Variants in CFAP299 observed in about 807,000 individuals in gnomAD.
CFAP299 encodes the protein cilia and flagella associated protein 299, also known as cilia- and flagella-associated protein 299.
In CFAP299, 21 loss-of-function variants were observed where a neutral mutation model predicts 27.0. That is an observed-to-expected ratio of 0.78 (90% CI 0.55 to 1.12). CFAP299 has a LOEUF of 1.12. CFAP299 is among the 50% of genes most tolerant of loss of function. The probability of loss-of-function intolerance (pLI) is 0.00; values close to 1 mark genes in which losing one functional copy is unlikely to be tolerated. For synonymous variants in CFAP299, 104 were observed against 98.1 expected (o/e 1.06, Z -0.36); for missense variants, 310 against 276.6 (o/e 1.12, Z -0.86).
intron 3 of CFAP299, among the ~76,000 whole-genome samples, chr4:80,770,079 T>C (rs966483426): frequency 6.6e-6 from 1 of 151,980 alleles, no homozygotes; most frequent in Non-Finnish European, 1.5e-5. Context: ...ATTTTGGGGG[T>C]CTAACAAACT....
chr4:80,363,322 T>C (rs1723645439), intron 2 of CFAP299, among the ~76,000 whole-genome samples: 1 of 152,210 alleles, frequency 6.6e-6, no homozygotes, highest in African/African-American at 2.4e-5. Context: ...GCCTAATTTA[T>C]ATATGTTAGT....
intron 2 of CFAP299, among the ~76,000 whole-genome samples, chr4:80,521,792 CTT>C (rs796445235): frequency 9.7e-5 from 14 of 145,058 alleles, no homozygotes; most frequent in African/African-American, 3.3e-4. Flanking sequence ...ACAGGATTCC[CTT>C]TTTTTTTTTG....
intron 2 of CFAP299, among the ~76,000 whole-genome samples, chr4:80,400,158 A>G (rs1234324641): frequency 6.6e-6 from 1 of 152,212 alleles, no homozygotes; most frequent in Non-Finnish European, 1.5e-5. Context: ...GTTTCATTGA[A>G]GTGAATAATT....
chr4:80,392,550 G>A (rs2110038225), intron 2 of CFAP299, among the ~76,000 whole-genome samples: 1 of 152,152 alleles, frequency 6.6e-6, no homozygotes, highest in East Asian at 1.9e-4. Flanking sequence ...TTATTAATGG[G>A]CTTTTCCCTG....
chr4:80,417,613 A>G (rs375150309), intron 2 of CFAP299, among the ~76,000 whole-genome samples: 19 of 152,276 alleles, frequency 1.2e-4, no homozygotes, highest in African/African-American at 3.1e-4. Context: ...TTGTTTCACA[A>G]TTGGGTATCA....
In CFAP299 at chr4:80,870,054, A is replaced by G; in HGVS notation, c.395A>G (p.Tyr132Cys). 1 of 1,613,784 alleles carries G rather than the reference A, an allele frequency of 6.2e-7. No homozygotes were observed. Among genetic ancestry groups the G allele is most frequent in the East Asian group, 2.2e-5 (1 of 44,866 alleles). The change falls in exon 4 of 6, where the codon TAT (tyrosine) becomes TGT (cysteine). Residue 132 changes from tyrosine to cysteine, a missense_variant. Coordinates refer to ENST00000358105, the MANE Select transcript of CFAP299 (RefSeq NM_152770.3). ...HGQEISGYID[Y>C]AHRLKTEDFE... ...CAAGAGATATCAGGATACATCGACT[A>G]TGCCCACAGGCTAAAGACGGAAGAT...
intron 1 of CFAP299, among the ~76,000 whole-genome samples, chr4:80,337,183 G>A (rs1215600866): frequency 1.3e-5 from 2 of 152,108 alleles, no homozygotes; most frequent in East Asian, 3.9e-4. Context: ...ATTTTTGAAT[G>A]TTTAAATAAA....
intron 3 of CFAP299, among the ~76,000 whole-genome samples, chr4:80,839,996 G>T (rs1730774802): frequency 1.3e-5 from 2 of 152,112 alleles, no homozygotes; most frequent in Admixed American, 6.6e-5. Flanking sequence ...GGATTTTGTT[G>T]TGAGTTGCAA....
chr4:80,759,579 G>C (rs1198803462), intron 3 of CFAP299, among the ~76,000 whole-genome samples: 4 of 151,990 alleles, frequency 2.6e-5, no homozygotes, highest in African/African-American at 9.7e-5. Context: ...TTAAGAAATG[G>C]GGAAAAGATC....
At position 80,834,143 on chromosome 4, in the gene CFAP299, T is replaced by C. The variant is rs564520733; in HGVS notation, c.334-35850T>C. On this transcript the variant is annotated intron_variant, in intron 3 of 5. Coordinates refer to ENST00000358105, the MANE Select transcript of CFAP299 (RefSeq NM_152770.3). ...TGTGTTTGCTTTTTTTCAAAGTGGA[T>C]GTGTATTCCCAGTTCATTCACATTG... Among the ~76,000 whole-genome samples, 4 of 152,230 alleles carry C rather than the reference T, an allele frequency of 2.6e-5. No homozygotes were observed. The East Asian group carries it at 7.7e-4, about 29-fold the overall frequency.
intron 2 of CFAP299, among the ~76,000 whole-genome samples, chr4:80,396,533 C>T (rs1725807421): frequency 6.6e-6 from 1 of 152,056 alleles, no homozygotes; most frequent in East Asian, 1.9e-4. Flanking sequence ...ACAATGAATT[C>T]TTTTTAGTGT....
intron 3 of CFAP299, among the ~76,000 whole-genome samples, chr4:80,811,781 A>G (rs1163421726): frequency 1.3e-5 from 2 of 152,160 alleles, no homozygotes; most frequent in African/African-American, 2.4e-5. Context: ...ATCTTGGTGT[A>G]AAACTGAAGG....
intron 3 of CFAP299, among the ~76,000 whole-genome samples, chr4:80,629,523 G>A (rs968703765): frequency 1.3e-5 from 2 of 150,400 alleles, no homozygotes; most frequent in African/African-American, 5.0e-5. Flanking sequence ...TAGTCAGTCT[G>A]TCTGTATATA....
chr4:80,327,956 GAGA>G, the CFAP299 span, among the ~76,000 whole-genome samples: 1 of 151,602 alleles, frequency 6.6e-6, no homozygotes, highest in Non-Finnish European at 1.5e-5. Flanking sequence ...TGGAAGCTAA[GAGA>G]AGAAGGTATT....
intron 3 of CFAP299, among the ~76,000 whole-genome samples, chr4:80,802,677 C>T (rs1045632773): frequency 2.0e-5 from 3 of 152,004 alleles, no homozygotes; most frequent in Admixed American, 2.0e-4. Context: ...TTTCTATCTC[C>T]TTCACTAAGC....
chr4:80,774,086 G>A (rs1041599394), intron 3 of CFAP299, among the ~76,000 whole-genome samples: 4 of 151,872 alleles, frequency 2.6e-5, no homozygotes. Flanking sequence ...CCTTCTGAGA[G>A]ATTTTTAAGA....
intron 3 of CFAP299, among the ~76,000 whole-genome samples, chr4:80,652,679 C>T (rs1372045611): frequency 6.6e-6 from 1 of 152,100 alleles, no homozygotes; most frequent in Non-Finnish European, 1.5e-5. Flanking sequence ...GGTTCCCTTC[C>T]TGGTCATTTT....
intron 2 of CFAP299, among the ~76,000 whole-genome samples, chr4:80,461,205 T>C (rs777896109): frequency 2.0e-5 from 3 of 152,088 alleles, no homozygotes; most frequent in Non-Finnish European, 4.4e-5. Context: ...TTAGAGCTCT[T>C]AGCAGAACTA....
chr4:80,483,859 TA>T (rs950400305), intron 2 of CFAP299, among the ~76,000 whole-genome samples: 1 of 152,192 alleles, frequency 6.6e-6, no homozygotes, highest in Admixed American at 6.5e-5. Context: ...TTAGAACACT[TA>T]AACTTTCGAA....
Sources: allele counts gnomAD v4.1 joint callset (sites outside exome capture counted in the v4.1 genomes callset), GRCh38; gene constraint gnomAD v4.1.1; transcripts MANE v1.5; gene names NCBI Gene and HGNC (gene_info 2026-07-23, HGNC 2026-07-21).